The following TCF20 variants were observed in gnomAD, a reference collection of about 807,000 sequenced individuals.
The protein encoded by TCF20 is SPRE-binding protein.
Under a neutral mutation model 148.6 loss-of-function variants are expected in TCF20, and 3 were observed. That is an observed-to-expected ratio of 0.02 (90% CI 0.01 to 0.05). The LOEUF is 0.05. TCF20 is among the 10% of genes least tolerant of loss of function. The probability of loss-of-function intolerance (pLI) is 1.00; values close to 1 mark genes in which losing one functional copy is unlikely to be tolerated. For missense variants in TCF20, 2,350 were observed against 2,429.3 expected, an observed-to-expected ratio of 0.97 and a Z score of 0.69; for synonymous variants, 1,049 against 909.5, an observed-to-expected ratio of 1.15 and a Z score of -2.76.
At chr22:42,327,038 T>G (rs986196726) in intron 1 of TCF20, among the ~76,000 whole-genome samples, 1 of 152,166 alleles carries the variant, frequency 6.6e-6, no homozygotes, top group African/African-American at 2.4e-5. Flanking sequence ...TATTCAATGA[T>G]GACTGTGTGC....
intron 1 of TCF20, among the ~76,000 whole-genome samples, chr22:42,298,840 C>T (rs1205401382): frequency 1.3e-5 from 2 of 152,252 alleles, no homozygotes. Flanking sequence ...CCCCTCCCCA[C>T]CAGGCCTTCC....
intron 1 of TCF20, among the ~76,000 whole-genome samples, chr22:42,316,151 C>T (rs1927627485): frequency 6.7e-6 from 1 of 149,396 alleles, no homozygotes; most frequent in Non-Finnish European, 1.5e-5. Flanking sequence ...CAAGAGGCCA[C>T]ATCAAGGCAG....
At chr22:42,322,716 A>G (rs373920382) in intron 1 of TCF20, among the ~76,000 whole-genome samples, 1 of 147,678 alleles carries the variant, frequency 6.8e-6, no homozygotes, top group East Asian at 1.9e-4. Context: ...GGGAATGAAT[A>G]AGTGTCTGAG....
intron 1 of TCF20, among the ~76,000 whole-genome samples, chr22:42,327,017 GA>G (rs1293196665): frequency 4.6e-5 from 7 of 152,330 alleles, no homozygotes; most frequent in East Asian, 1.9e-4. Context: ...AGGAGAAGAG[GA>G]ACGATCACGT....
chr22:42,236,233 T>A (rs1204539927), intron 1 of TCF20, among the ~76,000 whole-genome samples: 1 of 150,886 alleles, frequency 6.6e-6, no homozygotes. Flanking sequence ...AGGAAAAAAA[T>A]GGAAAAGAGG....
chr22:42,167,385 G>T (rs1034887942), intron 5 of TCF20, among the ~76,000 whole-genome samples: 4 of 152,230 alleles, frequency 2.6e-5, no homozygotes, highest in Non-Finnish European at 5.9e-5. Flanking sequence ...GACACGTCTA[G>T]CGTAGCTGTG....
chr22:42,207,777 T>A (rs1938488246), intron 2 of TCF20, among the ~76,000 whole-genome samples: 1 of 152,108 alleles, frequency 6.6e-6, no homozygotes, highest in African/African-American at 2.4e-5. Flanking sequence ...ATTGCGCCAT[T>A]GCACTCCAGC....
intron 3 of TCF20, among the ~76,000 whole-genome samples, chr22:42,178,539 T>C (rs1936578735): frequency 6.6e-6 from 1 of 150,430 alleles, no homozygotes; most frequent in South Asian, 2.1e-4. Flanking sequence ...ACTCAGAGAA[T>C]GGAAGAAAAC....
At chr22:42,273,165 C>T (rs1366017485), upstream of TCF20, among the ~76,000 whole-genome samples, 1 of 151,710 alleles carries the variant, frequency 6.6e-6, no homozygotes, top group African/African-American at 2.4e-5. Context: ...TTCAAGACCA[C>T]CCTGACCAAC....
At chr22:42,329,300 C>T (rs960754268) in intron 1 of TCF20, among the ~76,000 whole-genome samples, 3 of 152,248 alleles carry the variant, frequency 2.0e-5, no homozygotes, top group Non-Finnish European at 2.9e-5. Flanking sequence ...TGCTTCCATC[C>T]GCCCAGCTGT....
rs1044285960 is a variant in TCF20, at chr22:42,317,961, C to T, written c.-37+25518G>A. 2.0e-5 allele frequency among the ~76,000 whole-genome samples: 3 copies of T among 152,230 alleles called. No homozygotes were observed. The highest frequency in any genetic ancestry group is 7.2e-5 in the African/African-American group (3 of 41,468). On this transcript the variant is annotated intron_variant, in intron 1 of 1. Transcript: ENST00000515426. This position sits in a 1 kb window ranked among gnomAD's most constrained non-coding sequence, Gnocchi z 4.2. ...AGCCCCATTGGCCACACTCCCAGAG[C>T]CCTATGGGGCAGGCAGGCCCAGGCC...
At chr22:42,267,459 T>C (rs1490478105) in intron 1 of TCF20, among the ~76,000 whole-genome samples, 2 of 152,184 alleles carry the variant, frequency 1.3e-5, no homozygotes, top group South Asian at 4.1e-4. Context: ...TCCCAGCACT[T>C]TGGGGGCCCA....
At chr22:42,176,122 G>A (rs1414315847) in intron 3 of TCF20, among the ~76,000 whole-genome samples, 1 of 152,150 alleles carries the variant, frequency 6.6e-6, no homozygotes, top group Non-Finnish European at 1.5e-5. Context: ...CTATCTTTCC[G>A]TTGATCAAAT....
At chr22:42,324,119 T>TGATGGA (rs1413805384) in intron 1 of TCF20, among the ~76,000 whole-genome samples, 73 of 1,114 alleles carry the variant, frequency 0.066, 24 homozygotes, top group South Asian at 0.12. Flanking sequence ...GTGGTGGTGG[T>TGATGGA]GGTTATGGTG....
chr22:42,193,321 G>A (rs1417403020), intron 2 of TCF20, among the ~76,000 whole-genome samples: 3 of 147,860 alleles, frequency 2.0e-5, no homozygotes, highest in East Asian at 2.0e-4. Flanking sequence ...GTCTCGCTCT[G>A]TCACTCATTC....
chr22:42,222,419 A>T (rs796470997), intron 1 of TCF20, among the ~76,000 whole-genome samples: 20 of 152,196 alleles, frequency 1.3e-4, no homozygotes, highest in African/African-American at 3.9e-4. Flanking sequence ...TTCTTGGGCT[A>T]GAATAACACC....
intron 1 of TCF20, among the ~76,000 whole-genome samples, chr22:42,253,799 C>T (rs994713438): frequency 4.6e-5 from 7 of 151,990 alleles, no homozygotes; most frequent in African/African-American, 1.2e-4. Flanking sequence ...CTGAAGAGGC[C>T]GGGCATGGTG....
chr22:42,260,345 A>C (rs1324324725), intron 1 of TCF20, among the ~76,000 whole-genome samples: 2 of 152,188 alleles, frequency 1.3e-5, no homozygotes, highest in African/African-American at 4.8e-5. Context: ...GCAATGAAAG[A>C]CCACTGGAGC....
intron 1 of TCF20, among the ~76,000 whole-genome samples, chr22:42,243,310 A>AAACAAAAAAAAAAAAAAAC (rs1555943090): frequency 7.1e-6 from 1 of 140,864 alleles, no homozygotes; most frequent in African/African-American, 3.0e-5. Flanking sequence ...AAAAAAAAAA[A>AAACAAAAAAAAAAAAAAAC]AAAAAAAAAA....
Sources: allele counts gnomAD v4.1 joint callset (sites outside exome capture counted in the v4.1 genomes callset), GRCh38; gene constraint gnomAD v4.1.1; non-coding constraint Gnocchi (gnomAD v3.1); transcripts MANE v1.5; gene names NCBI Gene and HGNC (gene_info 2026-07-23, HGNC 2026-07-21).